Variants in CNTNAP2 observed in about 807,000 individuals in gnomAD.
CNTNAP2 encodes the protein contactin associated protein 2.
CNTNAP2 carries 98 observed loss-of-function variants against 155.2 expected under a neutral mutation model. The ratio of observed to expected loss-of-function variants is 0.63; its 90% CI spans 0.54 to 0.75. CNTNAP2 has a LOEUF of 0.75. Among genes scored for constraint, CNTNAP2 ranks in the 30% least tolerant of loss-of-function variants. CNTNAP2 has a pLI of 0.00. For missense variants in CNTNAP2, 1,727 were observed against 1,688.1 expected, an observed-to-expected ratio of 1.02 and a Z score of -0.40; for synonymous variants, 651 against 631.2, an observed-to-expected ratio of 1.03 and a Z score of -0.47.
intron 15 of CNTNAP2, among the ~76,000 whole-genome samples, chr7:148,046,880 C>G (rs546540537): frequency 2.6e-5 from 4 of 152,252 alleles, no homozygotes; most frequent in South Asian, 4.2e-4. Context: ...ATAGTCTCTT[C>G]TGAAAGAGTA....
intron 1 of CNTNAP2, among the ~76,000 whole-genome samples, chr7:146,327,478 A>G (rs1348918383): frequency 6.6e-6 from 1 of 152,238 alleles, no homozygotes; most frequent in African/African-American, 2.4e-5. Context: ...AAAATTTCAC[A>G]ACTGTAATAG....
Position 148,199,822 on chromosome 7 carries a change from G to A in CNTNAP2, c.3011-17466G>A, listed in dbSNP as rs373441770. 2.0e-4 allele frequency among the ~76,000 whole-genome samples: 30 copies of A among 152,258 alleles called. 1 individual carries two copies. Among genetic ancestry groups the A allele is most frequent in the South Asian group, 1.9e-3 (9 of 4,830 alleles). ...GGAAATTGGCTCATGTTATTATAGA[G>A]GCCAAGAAGTCCCATCATATCCCAT... On this transcript the variant is annotated intron_variant, in intron 18 of 23. Coordinates refer to ENST00000361727, the MANE Select transcript of CNTNAP2 (RefSeq NM_014141.6).
At chr7:147,598,780 G>T (rs915525082) in intron 12 of CNTNAP2, among the ~76,000 whole-genome samples, 1 of 152,060 alleles carries the variant, frequency 6.6e-6, no homozygotes, top group African/African-American at 2.4e-5. Context: ...ATTGAATCAT[G>T]GGGGCGGTTA....
intron 1 of CNTNAP2, among the ~76,000 whole-genome samples, chr7:146,759,470 A>G (rs965830786): frequency 6.6e-6 from 1 of 152,020 alleles, no homozygotes; most frequent in Non-Finnish European, 1.5e-5. Context: ...CGAGATGGGC[A>G]GATCGCCAGG....
At chr7:148,295,274 T>C (rs1241948714) in intron 21 of CNTNAP2, among the ~76,000 whole-genome samples, 1 of 152,188 alleles carries the variant, frequency 6.6e-6, no homozygotes, top group East Asian at 1.9e-4. Context: ...ATTATTCTGA[T>C]ATTATTTTTA....
intron 1 of CNTNAP2, among the ~76,000 whole-genome samples, chr7:146,474,413 ATTT>A (rs11291888): frequency 6.9e-6 from 1 of 144,304 alleles, no homozygotes. Flanking sequence ...ATTTATTTGT[ATTT>A]TTTTTTTTTA....
At position 146,795,359 on chromosome 7, in the gene CNTNAP2, G is replaced by A. The variant is rs182771917; in HGVS notation, c.208+20978G>A. Among the ~76,000 whole-genome samples, 39 of 152,140 alleles carry A rather than the reference G, an allele frequency of 2.6e-4. No homozygotes were observed. In the East Asian group the frequency reaches 4.2e-3, roughly 17 times the overall value. ...ATTCTCCACAGTATACTCTGACCTC[G>A]CAAATCAACATTCATGGTACAAAAC... On this transcript the variant is annotated intron_variant, in intron 2 of 23. Transcript: ENST00000361727.
rs373784941 is a variant in CNTNAP2, at chr7:146,790,138, T to C, written c.208+15757T>C. On this transcript the variant is annotated intron_variant, in intron 2 of 23. Coordinates refer to ENST00000361727, the MANE Select transcript of CNTNAP2 (RefSeq NM_014141.6). ...CATTCTTTTCTCCCAAACTTCTTTCTATCAAGTATTAAATAAAGTAAAGCA... is the reference window on the plus strand; with the variant it reads ...CATTCTTTTCTCCCAAACTTCTTTCCATCAAGTATTAAATAAAGTAAAGCA... Among the ~76,000 whole-genome samples the C allele has an allele frequency of 6.2e-4, 94 of 152,286 alleles. 1 individual carries two copies. The highest frequency in any genetic ancestry group is 2.1e-3 in the African/African-American group (88 of 41,540).
chr7:148,294,607 C>T (rs1256824842), intron 21 of CNTNAP2, among the ~76,000 whole-genome samples: 3 of 152,084 alleles, frequency 2.0e-5, no homozygotes, highest in Admixed American at 6.5e-5. Flanking sequence ...AAAATCAGTC[C>T]ACTTTCTTGT....
intron 11 of CNTNAP2, among the ~76,000 whole-genome samples, chr7:147,528,000 C>G (rs117444393): frequency 7.2e-5 from 11 of 152,150 alleles, no homozygotes; most frequent in Non-Finnish European, 1.6e-4. Flanking sequence ...TCTGAGAAAC[C>G]TTTTGGTACG....
At chr7:147,064,222 A>C (rs1799737514) in intron 4 of CNTNAP2, among the ~76,000 whole-genome samples, 1 of 151,826 alleles carries the variant, frequency 6.6e-6, no homozygotes, top group Non-Finnish European at 1.5e-5. Flanking sequence ...GAAATAGTGT[A>C]TTGAGTGAGC....
intron 1 of CNTNAP2, among the ~76,000 whole-genome samples, chr7:146,132,619 T>C (rs1409516811): frequency 7.2e-6 from 1 of 139,264 alleles, no homozygotes; most frequent in Admixed American, 8.0e-5. Context: ...CCTGTGTCCA[T>C]GTGATCTCAT....
intron 15 of CNTNAP2, among the ~76,000 whole-genome samples, chr7:148,046,407 C>T (rs1031513563): frequency 1.9e-4 from 29 of 152,062 alleles, no homozygotes; most frequent in African/African-American, 6.8e-4. Flanking sequence ...TGAGTGTAGA[C>T]AATTTATAGG....
At chr7:147,132,583 G>T (rs577325328) in intron 8 of CNTNAP2, 74 bp downstream of exon 8, 13 of 1,592,648 alleles carry the variant, frequency 8.2e-6, no homozygotes, top group East Asian at 2.2e-5. Flanking sequence ...GCTTTGTTTG[G>T]TTTTGCTGGT....
chr7:146,273,012 T>C (rs779860652), intron 1 of CNTNAP2, among the ~76,000 whole-genome samples: 5 of 149,600 alleles, frequency 3.3e-5, no homozygotes, highest in East Asian at 2.0e-4. Flanking sequence ...ACCTATTACA[T>C]TGGGCTGGGA....
chr7:147,226,091 T>C (rs986245766), intron 8 of CNTNAP2, among the ~76,000 whole-genome samples: 1 of 152,194 alleles, frequency 6.6e-6, no homozygotes, highest in Non-Finnish European at 1.5e-5. Flanking sequence ...ATTTCAATTC[T>C]AATATCAGCA....
chr7:146,394,708 A>G (rs1326360766), intron 1 of CNTNAP2, among the ~76,000 whole-genome samples: 1 of 152,156 alleles, frequency 6.6e-6, no homozygotes, highest in African/African-American at 2.4e-5. Context: ...TACACCTAAT[A>G]TTAGTATGGT....
chr7:147,335,735 C>T (rs930829407), intron 9 of CNTNAP2, among the ~76,000 whole-genome samples: 1 of 152,088 alleles, frequency 6.6e-6, no homozygotes, highest in Non-Finnish European at 1.5e-5. Context: ...CAAACCCATC[C>T]TCTCTATTGT....
At chr7:147,480,852 G>C (rs1798409418) in intron 10 of CNTNAP2, among the ~76,000 whole-genome samples, 1 of 152,092 alleles carries the variant, frequency 6.6e-6, no homozygotes, top group South Asian at 2.1e-4. Flanking sequence ...GCATCACCTG[G>C]GACCTTGTTA....
Sources: gnomAD v4.1 joint callset for allele counts (sites outside exome capture counted in the v4.1 genomes callset) on GRCh38, gnomAD v4.1.1 for gene constraint, MANE v1.5 for transcripts, NCBI Gene and HGNC (gene_info 2026-07-23, HGNC 2026-07-21) for gene names.